The following HDAC8 variants were observed in gnomAD, a reference collection of about 807,000 sequenced individuals.
HDAC8 encodes the protein histone deacetylase 8.
In HDAC8, 1 loss-of-function variant was observed where a neutral mutation model predicts 32.2. That is an observed-to-expected ratio of 0.03 (90% CI 0.01 to 0.15). The LOEUF is 0.15. Among genes scored for constraint, HDAC8 ranks in the 10% least tolerant of loss-of-function variants. HDAC8 has a pLI of 1.00. For missense variants in HDAC8, 117 were observed against 300.0 expected, an observed-to-expected ratio of 0.39 and a Z score of 4.51; for synonymous variants, 108 against 113.9, an observed-to-expected ratio of 0.95 and a Z score of 0.33.
intron 9 of HDAC8, among the ~76,000 whole-genome samples, chrX:72,450,025 T>C (rs1209308465): frequency 6.2e-5 from 7 of 112,022 alleles, no homozygotes; most frequent in Non-Finnish European, 1.3e-4. Context: ...GGAGAAATGA[T>C]TAAACAACCT....
intron 9 of HDAC8, among the ~76,000 whole-genome samples, chrX:72,430,025 A>C (rs973804806): frequency 8.9e-5 from 10 of 112,589 alleles, no homozygotes; most frequent in African/African-American, 3.2e-4. Flanking sequence ...GAATGTATTA[A>C]GGAAATATTC....
chrX:72,351,893 A>T, intron 9 of HDAC8, 55 bp from the exon 10 acceptor site: 1 of 864,321 alleles, frequency 1.2e-6, no homozygotes, highest in Middle Eastern at 2.7e-4. Context: ...AAACCTCCAA[A>T]CCAACCACAT....
chrX:72,470,149 AATACATACATACATACATAC>A (rs201216050), intron 7 of HDAC8, among the ~76,000 whole-genome samples: 200 of 97,013 alleles, frequency 2.1e-3, no homozygotes, highest in African/African-American at 7.0e-3. Flanking sequence ...CACAGTCTCA[AATACATACATACATACATAC>A]ATACATACAT....
At position 72,506,039 on chromosome X, in the gene HDAC8, G is replaced by A. The variant is rs782057197; in HGVS notation, c.438-10771C>T. 2.7e-5 allele frequency among the ~76,000 whole-genome samples: 3 copies of A among 111,891 alleles called. No individual in the cohort carries two copies. The South Asian group carries it at 1.1e-3, about 42-fold the overall frequency. On this transcript the variant is annotated intron_variant, in intron 4 of 10. Transcript: ENST00000373573. Reference sequence around the variant, plus strand: ...CAAATCCCTATTGGGACTCTAAGTTGTCTTGGAGCTTGCCCTCTTTTCCAG... The same window carrying A: ...CAAATCCCTATTGGGACTCTAAGTTATCTTGGAGCTTGCCCTCTTTTCCAG...
At chrX:72,485,742 T>C (rs897826792) in intron 7 of HDAC8, among the ~76,000 whole-genome samples, 1 of 111,735 alleles carries the variant, frequency 8.9e-6, no homozygotes, top group Admixed American at 9.5e-5. Context: ...AATGAGAGCA[T>C]CTTATAAGTG....
At chrX:72,421,945 G>A (rs782264846) in intron 9 of HDAC8, among the ~76,000 whole-genome samples, 3 of 112,057 alleles carry the variant, frequency 2.7e-5, no homozygotes, top group Non-Finnish European at 5.6e-5. Context: ...TTGTTTTACA[G>A]TGTTTTTCTT....
At chrX:72,511,459 C>T (rs1603130856) in intron 4 of HDAC8, among the ~76,000 whole-genome samples, 1 of 111,683 alleles carries the variant, frequency 9.0e-6, no homozygotes, top group South Asian at 3.8e-4. Context: ...CTGTCTCGGG[C>T]TTAATACATA....
chrX:72,443,783 C>T (rs1157226823), intron 9 of HDAC8, among the ~76,000 whole-genome samples: 169 of 107,499 alleles, frequency 1.6e-3, no homozygotes, highest in Non-Finnish European at 2.7e-3. Flanking sequence ...ATTGATAGAC[C>T]GCTAGCAAGA....
chrX:72,438,786 C>G (rs2047030588), intron 9 of HDAC8, among the ~76,000 whole-genome samples: 2 of 111,438 alleles, frequency 1.8e-5, no homozygotes, highest in African/African-American at 6.5e-5. Context: ...AAGGAATCAA[C>G]AAAGCCTCCA....
At chrX:72,407,892 C>CA (rs1450142052) in intron 9 of HDAC8, among the ~76,000 whole-genome samples, 2 of 112,095 alleles carry the variant, frequency 1.8e-5, no homozygotes, top group Non-Finnish European at 3.8e-5. Context: ...CATGGGTGCC[C>CA]AATGGTACTG....
intron 4 of HDAC8, among the ~76,000 whole-genome samples, chrX:72,531,273 T>C (rs782424546): frequency 2.7e-5 from 3 of 112,153 alleles, no homozygotes; most frequent in Admixed American, 9.4e-5. Context: ...GTGGAATTAC[T>C]ATATAAAATC....
At chrX:72,494,139 T>G (rs2048952594) in intron 5 of HDAC8, among the ~76,000 whole-genome samples, 2 of 111,748 alleles carry the variant, frequency 1.8e-5, no homozygotes, top group Non-Finnish European at 3.8e-5. Context: ...AGATATTCAG[T>G]GAAAATGGTT....
chrX:72,451,052 G>A (rs1226410779), intron 9 of HDAC8, among the ~76,000 whole-genome samples: 5 of 111,363 alleles, frequency 4.5e-5, no homozygotes, highest in African/African-American at 1.3e-4. Context: ...AACATTTCTG[G>A]TCCCAAGTGT....
At chrX:72,475,966 C>T (rs1460062432) in intron 7 of HDAC8, among the ~76,000 whole-genome samples, 4 of 111,233 alleles carry the variant, frequency 3.6e-5, no homozygotes, top group African/African-American at 1.3e-4. Context: ...TAGATTCTAA[C>T]GGGCATTCTA....
At chrX:72,467,760 C>T (rs1376378204) in intron 7 of HDAC8, 1 of 403,000 alleles carries the variant, frequency 2.5e-6, no homozygotes, top group East Asian at 4.5e-5. Flanking sequence ...TTGATGAGGG[C>T]TTTTGCAACC....
intron 7 of HDAC8, among the ~76,000 whole-genome samples, chrX:72,478,017 C>T: frequency 8.9e-6 from 1 of 112,577 alleles, no homozygotes; most frequent in Admixed American, 9.3e-5. Context: ...TTCTTAGTTA[C>T]TGGACTAAAC....
intron 9 of HDAC8, among the ~76,000 whole-genome samples, chrX:72,441,314 G>A (rs1389549654): frequency 3.6e-5 from 4 of 111,889 alleles, no homozygotes; most frequent in Admixed American, 9.4e-5. Context: ...CACCTCACAC[G>A]GCCGGGTACT....
chrX:72,516,140 A>C (rs188807253), intron 4 of HDAC8, among the ~76,000 whole-genome samples: 9 of 112,339 alleles, frequency 8.0e-5, no homozygotes, highest in Non-Finnish European at 1.7e-4. Context: ...CTTTTAGTCT[A>C]TCATTAGTAC....
rs1375979542 is a variant in HDAC8, at chrX:72,531,803, T to A, written c.437+36086A>T. Among the ~76,000 whole-genome samples, 24 of 112,605 alleles carry A rather than the reference T, an allele frequency of 2.1e-4. No individual in the cohort carries two copies. In the Admixed American group the frequency reaches 2.3e-3, roughly 11 times the overall value. ...TGTTGTAGCATGTATCAGTATTTCA[T>A]TTCTTTTTATTATGAAACAATGTCC... On this transcript the variant is annotated intron_variant, in intron 4 of 10. Coordinates refer to ENST00000373573, the MANE Select transcript of HDAC8 (RefSeq NM_018486.3).
Sources: gnomAD v4.1 joint callset for allele counts (sites outside exome capture counted in the v4.1 genomes callset) on GRCh38, gnomAD v4.1.1 for gene constraint, MANE v1.5 for transcripts, NCBI Gene and HGNC (gene_info 2026-07-23, HGNC 2026-07-21) for gene names.